The following ACTN4 variants were observed in gnomAD, a reference collection of about 807,000 sequenced individuals.
The protein encoded by ACTN4 is actinin alpha 4.
A neutral mutation model predicts 114.2 loss-of-function variants in ACTN4; 18 were observed. The ratio of observed to expected loss-of-function variants is 0.16; its 90% CI spans 0.11 to 0.23. The LOEUF is 0.23. Among genes scored for constraint, ACTN4 ranks in the 10% least tolerant of loss-of-function variants. The pLI, the probability that ACTN4 is intolerant of heterozygous loss-of-function variation, is 1.00. For synonymous variants in ACTN4, 515 were observed against 506.3 expected (o/e 1.02, Z -0.23); for missense variants, 722 against 1,262.9 (o/e 0.57, Z 6.49).
chr19:38,709,374 T>C, intron 6 of ACTN4, 21 bp from the exon 7 acceptor site: 1 of 1,597,460 alleles, frequency 6.3e-7, no homozygotes, highest in South Asian at 1.1e-5. Context: ...GTTCTTGTTG[T>C]CCCCACTTGC....
intron 1 of ACTN4, among the ~76,000 whole-genome samples, chr19:38,673,441 T>A (rs80037173): frequency 0.031 from 3,498 of 114,328 alleles, 84 homozygotes; most frequent in Admixed American, 0.068. Context: ...GTTTTATTTT[T>A]TATATATATA....
intron 1 of ACTN4, among the ~76,000 whole-genome samples, chr19:38,684,414 C>T (rs1599795530): frequency 1.3e-5 from 2 of 152,272 alleles, no homozygotes; most frequent in African/African-American, 4.8e-5. Flanking sequence ...CCCACACCTT[C>T]CCAGTGCTGC....
chr19:38,650,393 C>A (rs1436552723), intron 1 of ACTN4, among the ~76,000 whole-genome samples: 3 of 152,086 alleles, frequency 2.0e-5, no homozygotes, highest in Non-Finnish European at 2.9e-5. Context: ...CCAGAACCTC[C>A]AGGCCTTGCT....
Position 38,724,502 on chromosome 19 carries a change from C to T in ACTN4, c.1947C>T (p.His649=), listed in dbSNP as rs997334258. Residue 649 remains histidine, a synonymous_variant, in exon 16 of 21, where the codon CAC becomes CAT. Coordinates refer to ENST00000252699, the MANE Select transcript of ACTN4 (RefSeq NM_004924.6). The surrounding 1 kb of genome is among the most constrained non-coding windows in gnomAD (Gnocchi z 7.0). ...AGAGCAAGCAGCAGTCCAACGAGCA[C>T]CTGCGCCGCCAGTTCGCCAGCCAGG... is the stretch of plus-strand genomic sequence containing the variant. ...EEQSKQQSNE[H]LRRQFASQAN... The T allele has an allele frequency of 2.5e-5, 40 of 1,613,224 alleles. No individual in the cohort carries two copies. The highest frequency in any genetic ancestry group is 3.2e-5 in the Non-Finnish European group (38 of 1,179,978).
chr19:38,719,941 C>T (rs62119114), intron 11 of ACTN4, among the ~76,000 whole-genome samples: 301 of 152,340 alleles, frequency 2.0e-3, no homozygotes, highest in Non-Finnish European at 3.3e-3. Context: ...GCTGGTTCAG[C>T]GGCCTCCACA....
Position 38,724,149 on chromosome 19 carries a change from T to TC in ACTN4, c.1693-4dup, listed in dbSNP as rs1056503660. ...TGGGCCGCCCCCTCACTCCAGCTCC[T>TC]CCCCTAGGGCCTGATCTCAGCCCAT... On this transcript the variant is annotated splice_region_variant and splice_polypyrimidine_tract_variant and intron_variant, in intron 14 of 20. Transcript: ENST00000252699. The surrounding 1 kb of genome is among the most constrained non-coding windows in gnomAD (Gnocchi z 7.0). 4.3e-6 allele frequency: 7 copies of TC among 1,613,166 alleles called. No individual in the cohort carries two copies. The African/African-American group carries it at 6.7e-5, about 15-fold the overall frequency.
intron 7 of ACTN4, 39 bp downstream of exon 7, chr19:38,709,515 T>C (rs1968571131): frequency 6.3e-7 from 1 of 1,576,480 alleles, no homozygotes; most frequent in Admixed American, 1.7e-5. Context: ...CTGTGCTTCC[T>C]GATGGCCTTT....
At chr19:38,720,734 C>T (rs911411977) in intron 11 of ACTN4, among the ~76,000 whole-genome samples, 4 of 152,232 alleles carry the variant, frequency 2.6e-5, no homozygotes, top group Admixed American at 1.3e-4. Context: ...AGAGAGGCCT[C>T]GGTGGCTGCA....
At chr19:38,694,635 G>A (rs7252485) in intron 1 of ACTN4, among the ~76,000 whole-genome samples, 2,139 of 152,142 alleles carry the variant, frequency 0.014, 57 homozygotes, top group African/African-American at 0.047. Context: ...CTCAGACATC[G>A]TGGAATGAAT....
intron 2 of ACTN4, 55 bp downstream of exon 2, chr19:38,700,769 A>C (rs1968245690): frequency 3.3e-6 from 5 of 1,525,352 alleles, no homozygotes. Flanking sequence ...GCTCTGCCAC[A>C]GCGGTCCCCA....
At chr19:38,705,562 G>A (rs1420150680) in intron 4 of ACTN4, among the ~76,000 whole-genome samples, 1 of 152,244 alleles carries the variant, frequency 6.6e-6, no homozygotes, top group East Asian at 1.9e-4. Context: ...TGTGCTTCCT[G>A]CCCTCGAAGG....
In ACTN4 at chr19:38,696,125, G is replaced by T. The variant is rs558295513; in HGVS notation, c.163-4475G>T. Reference sequence around the variant, plus strand: ...CCCGCCCCTAGTAGACTCTATGGAAGTGTCTGCTGCAGTTATTGCTGTTAT... The same window carrying T: ...CCCGCCCCTAGTAGACTCTATGGAATTGTCTGCTGCAGTTATTGCTGTTAT... On this transcript the variant is annotated intron_variant, in intron 1 of 20. Coordinates refer to ENST00000252699, the MANE Select transcript of ACTN4 (RefSeq NM_004924.6). Among the ~76,000 whole-genome samples the T allele has an allele frequency of 1.6e-3, 244 of 152,292 alleles. 1 individual carries two copies. Among genetic ancestry groups the T allele is most frequent in the South Asian group, 7.7e-3 (37 of 4,828 alleles).
intron 1 of ACTN4, among the ~76,000 whole-genome samples, chr19:38,659,001 T>C (rs573251119): frequency 8.5e-5 from 13 of 152,178 alleles, no homozygotes; most frequent in Non-Finnish European, 7.4e-5. Flanking sequence ...GGGAGGGCCT[T>C]CTTGGCCATT....
rs201630706 is a variant in ACTN4 at position 38,709,392 on chromosome 19, T to C, written c.652-3T>C. 2.2e-5 allele frequency: 35 copies of C among 1,613,544 alleles called. No individual in the cohort carries two copies. The Admixed American group carries it at 5.5e-4, about 25-fold the overall frequency. On this transcript the variant is annotated splice_polypyrimidine_tract_variant and splice_region_variant and intron_variant, in intron 6 of 20. Transcript: ENST00000252699. ...CTTGTTGTCCCCACTTGCCTCCTTC[T>C]AGGACGACCCTGTCACCAACCTGAA...
intron 1 of ACTN4, among the ~76,000 whole-genome samples, chr19:38,695,122 G>A (rs1014783792): frequency 7.2e-5 from 11 of 152,160 alleles, no homozygotes; most frequent in African/African-American, 2.7e-4. Context: ...CAATCCTCCC[G>A]CCTCGGCCTC....
chr19:38,648,015 G>C lies in ACTN4; in HGVS notation c.162+108G>C, dbSNP rs369890154. 95 of 1,285,886 alleles carry C rather than the reference G, an allele frequency of 7.4e-5. No individual in the cohort carries two copies. In the South Asian group the frequency reaches 1.2e-3, roughly 17 times the overall value. 79.7% of individuals were successfully genotyped at this position (1,285,886 alleles called of 1,614,324 possible). ...GGAGCGTCTGTGATGGGAACGGGGG[G>C]GTCCCGAGAAGGAATTGGCGGGTCC... On this transcript the variant is annotated intron_variant, in intron 1 of 20. Transcript: ENST00000252699.
chr19:38,726,820 C>T (rs1281702733), intron 17 of ACTN4, 137 bp from the exon 18 acceptor site: 25 of 1,324,736 alleles, frequency 1.9e-5, no homozygotes, highest in East Asian at 7.6e-5. Flanking sequence ...CACCATGGCC[C>T]GTGTCCCCTG....
At chr19:38,689,935 C>G (rs1967868422) in intron 1 of ACTN4, among the ~76,000 whole-genome samples, 1 of 152,166 alleles carries the variant, frequency 6.6e-6, no homozygotes, top group Non-Finnish European at 1.5e-5. Context: ...ATTGCTAAGC[C>G]TAGCTGGGGA....
rs777311779 is a variant in ACTN4, at chr19:38,714,528, C to G, written c.879C>G (p.His293Gln). 22 of 1,613,844 alleles carry G rather than the reference C, an allele frequency of 1.4e-5. No homozygotes were observed. Among genetic ancestry groups the G allele is most frequent in the Non-Finnish European group, 1.7e-5 (20 of 1,180,032 alleles). Reference sequence around the variant, plus strand: ...TGGCTGTCAACCAAGAGAACGAGCACCTGATGGAGGACTACGAGAAGCTGG... The same window carrying G: ...TGGCTGTCAACCAAGAGAACGAGCAGCTGATGGAGGACTACGAGAAGCTGG... The part of the protein sequence containing the change: ...KVLAVNQENE[H>Q]LMEDYEKLAS... Residue 293 changes from histidine to glutamine, a missense_variant, in exon 9 of 21, where the codon CAC becomes CAG. Coordinates refer to ENST00000252699, the MANE Select transcript of ACTN4 (RefSeq NM_004924.6).
Sources: gnomAD v4.1 joint callset for allele counts (sites outside exome capture counted in the v4.1 genomes callset) on GRCh38, gnomAD v4.1.1 for gene constraint, Gnocchi (gnomAD v3.1) non-coding constraint, MANE v1.5 for transcripts, NCBI Gene and HGNC (gene_info 2026-07-23, HGNC 2026-07-21) for gene names.